Variants in CABIN1 observed in about 807,000 individuals in gnomAD.
The protein encoded by CABIN1 is calcineurin-binding protein cabin-1.
Under a neutral mutation model 227.7 loss-of-function variants are expected in CABIN1, and 133 were observed. That is an observed-to-expected ratio of 0.58 (90% CI 0.51 to 0.67). The LOEUF (loss-of-function observed/expected upper bound fraction) is 0.67. Ranked by LOEUF, CABIN1 falls within the 30% of genes least tolerant of loss-of-function variation. The pLI is 0.00. For synonymous variants in CABIN1, 1,086 were observed against 1,155.1 expected (o/e 0.94, Z 1.21); for missense variants, 2,408 against 2,852.5 (o/e 0.84, Z 3.55).
chr22:24,139,759 G>A (rs771788954), intron 29 of CABIN1, among the ~76,000 whole-genome samples: 17 of 152,320 alleles, frequency 1.1e-4, no homozygotes, highest in East Asian at 1.9e-4. Context: ...GCGTCTTTGT[G>A]CTGTTGCTGT....
Position 24,109,200 on chromosome 22 carries a change from T to G in CABIN1, c.4118-4366T>G, listed in dbSNP as rs1196631621. Among the ~76,000 whole-genome samples the G allele has an allele frequency of 2.0e-5, 3 of 152,016 alleles. No individual in the cohort carries two copies. The East Asian group carries it at 5.8e-4, about 29-fold the overall frequency. On this transcript the variant is annotated intron_variant, in intron 26 of 36. Transcript: ENST00000263119. ...TCCAGAGTCCAGGCTTTCAACTTTTTTGAAACAACTTTATATTTTGCTTTT... is the reference window on the plus strand; with the variant it reads ...TCCAGAGTCCAGGCTTTCAACTTTTGTGAAACAACTTTATATTTTGCTTTT...
intron 4 of CABIN1, among the ~76,000 whole-genome samples, chr22:24,040,084 T>C (rs550560762): frequency 1.2e-4 from 19 of 152,330 alleles, no homozygotes; most frequent in African/African-American, 3.8e-4. Flanking sequence ...TATTGCTGAT[T>C]GTTTAGTTCG....
chr22:24,128,759 G>C (rs1476156647), intron 28 of CABIN1, among the ~76,000 whole-genome samples: 1 of 152,230 alleles, frequency 6.6e-6, no homozygotes, highest in East Asian at 1.9e-4. Context: ...GTGAAGGGCT[G>C]AACACAGCTG....
At chr22:24,103,550 G>C (rs1172005029) in intron 26 of CABIN1, among the ~76,000 whole-genome samples, 5 of 152,068 alleles carry the variant, frequency 3.3e-5, no homozygotes, top group African/African-American at 4.8e-5. Context: ...TCCCCTCCTA[G>C]GGCTAAGGGG....
intron 26 of CABIN1, among the ~76,000 whole-genome samples, chr22:24,101,061 A>C (rs1338082573): frequency 2.6e-5 from 4 of 152,174 alleles, no homozygotes; most frequent in African/African-American, 9.7e-5. Context: ...CCTCTGAAGC[A>C]GCAGCTCCTG....
At chr22:24,016,464 A>T (rs2035293170) in intron 1 of CABIN1, among the ~76,000 whole-genome samples, 1 of 152,210 alleles carries the variant, frequency 6.6e-6, no homozygotes, top group African/African-American at 2.4e-5. Context: ...TAATTTTTAC[A>T]GCTGCATAGT....
intron 29 of CABIN1, among the ~76,000 whole-genome samples, chr22:24,143,159 A>G (rs374961783): frequency 1.3e-5 from 2 of 152,128 alleles, no homozygotes; most frequent in Non-Finnish European, 2.9e-5. Flanking sequence ...GTACTTCACT[A>G]TGTATAGTGT....
chr22:24,171,966 C>T lies in CABIN1; in HGVS notation c.6011C>T (p.Ala2004Val). Reference sequence around the variant, plus strand: ...CCTCCCCGGCCACACAGGCCTGAAGCTACCCCCAGCATGGCCTCTCTGGGC... The same window carrying T: ...CCTCCCCGGCCACACAGGCCTGAAGTTACCCCCAGCATGGCCTCTCTGGGC... ...PGPPRPHRPEATPSMASLGPE... is the reference protein window; with the variant it reads ...PGPPRPHRPEVTPSMASLGPE... The change falls in exon 34 of 37, where the codon GCT becomes GTT. Residue 2004 changes from alanine to valine, a missense_variant. Transcript: ENST00000263119. 1 of 1,613,034 alleles carries T rather than the reference C, an allele frequency of 6.2e-7. No homozygotes were observed. Among genetic ancestry groups the T allele is most frequent in the Non-Finnish European group, 8.5e-7 (1 of 1,180,008 alleles).
chr22:24,064,760 C>T (rs2146518522), intron 15 of CABIN1, among the ~76,000 whole-genome samples: 1 of 152,252 alleles, frequency 6.6e-6, no homozygotes, highest in Middle Eastern at 3.4e-3. Context: ...TGACAAAGCA[C>T]ATCTTTCACC....
intron 4 of CABIN1, among the ~76,000 whole-genome samples, chr22:24,040,219 A>T (rs1601733928): frequency 6.6e-6 from 1 of 152,234 alleles, no homozygotes; most frequent in African/African-American, 2.4e-5. Flanking sequence ...TTTTTGTATG[A>T]TAAGTCAGAT....
Position 24,168,477 on chromosome 22 carries a change from G to A in CABIN1, c.5713G>A (p.Val1905Met), listed in dbSNP as rs546587092. The change falls in exon 33 of 37, where the codon GTG becomes ATG. Residue 1905 changes from valine to methionine, a missense_variant. By Grantham distance (21) the Val-to-Met change is conservative. Around this residue, in one of 3 missense-constraint regions of CABIN1, gnomAD observed 714 missense variants for 773.8 expected, o/e 0.92. Transcript: ENST00000263119. ...VDEEAALEQA[V>M]KFCQVHLGAA... is the part of the protein sequence containing the mutation. ...TGAGGAGGCTGCGCTGGAGCAGGCT[G>A]TGAAGTTCTGCCAGGTCCATCTTGG... is the stretch of plus-strand genomic sequence containing the variant. 40 of 1,571,118 alleles carry A rather than the reference G, an allele frequency of 2.5e-5. No individual in the cohort carries two copies. The East Asian group carries it at 8.8e-4, about 34-fold the overall frequency.
chr22:24,167,806 C>G (rs2046542450), intron 32 of CABIN1, among the ~76,000 whole-genome samples: 1 of 152,184 alleles, frequency 6.6e-6, no homozygotes, highest in Non-Finnish European at 1.5e-5. Context: ...ACAGTATTCC[C>G]TCTAATCATG....
Position 24,079,057 on chromosome 22 carries a change from A to C in CABIN1, c.2748+2773A>C, listed in dbSNP as rs77958683. ...AGTTTATTCATTTTAATTGCTTTAC[A>C]GGGTTCTATTGTGTGAGTATATCAT... On this transcript the variant is annotated intron_variant, in intron 19 of 36. Transcript: ENST00000263119. Among the ~76,000 whole-genome samples, 167 of 152,284 alleles carry C rather than the reference A, an allele frequency of 1.1e-3. 2 individuals carry two copies. The East Asian group carries it at 0.018, about 16-fold the overall frequency.
intron 8 of CABIN1, among the ~76,000 whole-genome samples, chr22:24,052,434 G>T (rs2038408949): frequency 6.6e-6 from 1 of 151,182 alleles, no homozygotes; most frequent in East Asian, 1.9e-4. Context: ...TGTGGGCCAT[G>T]TACAATTTAT....
chr22:24,089,086 G>T (rs755249228), intron 23 of CABIN1, among the ~76,000 whole-genome samples: 10 of 152,192 alleles, frequency 6.6e-5, no homozygotes, highest in Non-Finnish European at 1.3e-4. Context: ...ATTATCCTCT[G>T]CTGGGGCTCA....
At chr22:24,163,082 T>G (rs902153805) in intron 29 of CABIN1, among the ~76,000 whole-genome samples, 1 of 152,172 alleles carries the variant, frequency 6.6e-6, no homozygotes, top group Non-Finnish European at 1.5e-5. Context: ...GCAGCATTGA[T>G]GTTTGCTGCC....
At chr22:24,086,874 G>A (rs2041204619) in intron 22 of CABIN1, among the ~76,000 whole-genome samples, 1 of 152,180 alleles carries the variant, frequency 6.6e-6, no homozygotes, top group Admixed American at 6.5e-5. Context: ...GAAGGGGCAG[G>A]ATCTGCTCAG....
At chr22:24,014,741 G>A (rs1262011468) in intron 1 of CABIN1, among the ~76,000 whole-genome samples, 1 of 152,078 alleles carries the variant, frequency 6.6e-6, no homozygotes, top group Non-Finnish European at 1.5e-5. Context: ...ACACACAAAG[G>A]TATACTCAGA....
chr22:24,027,605 A>G (rs1199261293), intron 1 of CABIN1, among the ~76,000 whole-genome samples: 2 of 152,272 alleles, frequency 1.3e-5, no homozygotes, highest in Non-Finnish European at 1.5e-5. Flanking sequence ...TAATTAGGTC[A>G]TGAGGGATCT....
Sources: allele counts gnomAD v4.1 joint callset (sites outside exome capture counted in the v4.1 genomes callset), GRCh38; gene constraint gnomAD v4.1.1; regional missense constraint gnomAD v4.1.1; transcripts MANE v1.5; gene names NCBI Gene and HGNC (gene_info 2026-07-23, HGNC 2026-07-21).